The following FBXW7 variants were observed in gnomAD, a reference collection of about 807,000 sequenced individuals.
FBXW7 encodes F-box and WD repeat domain containing 7.
A neutral mutation model predicts 86.3 loss-of-function variants in FBXW7; 11 were observed. The ratio of observed to expected loss-of-function variants is 0.13; its 90% CI spans 0.08 to 0.21. FBXW7 has a LOEUF of 0.21. Ranked by LOEUF, FBXW7 falls within the 10% of genes least tolerant of loss-of-function variation. The probability of loss-of-function intolerance (pLI) is 1.00; values close to 1 mark genes in which losing one functional copy is unlikely to be tolerated. For missense variants in FBXW7, 488 were observed against 847.4 expected, an observed-to-expected ratio of 0.58 and a Z score of 5.27; for synonymous variants, 313 against 297.9, an observed-to-expected ratio of 1.05 and a Z score of -0.52.
chr4:152,479,390 G>C (rs1321291849), intron 2 of FBXW7, among the ~76,000 whole-genome samples: 1 of 152,046 alleles, frequency 6.6e-6, no homozygotes, highest in East Asian at 1.9e-4. Context: ...AGGGTTGAGA[G>C]AGCAATCCAA....
intron 4 of FBXW7, among the ~76,000 whole-genome samples, chr4:152,374,894 G>T (rs570408201): frequency 9.2e-5 from 14 of 152,048 alleles, no homozygotes; most frequent in Admixed American, 7.2e-4. Context: ...AGGAGGGGGG[G>T]GGATGATGCT....
intron 2 of FBXW7, among the ~76,000 whole-genome samples, chr4:152,499,205 A>C (rs533071433): frequency 6.6e-6 from 1 of 152,248 alleles, no homozygotes; most frequent in East Asian, 1.9e-4. Context: ...TGCTACCTCT[A>C]AACAGCTCAA....
intron 2 of FBXW7, among the ~76,000 whole-genome samples, chr4:152,485,496 C>A (rs1745258418): frequency 7.8e-6 from 1 of 127,718 alleles, no homozygotes; most frequent in African/African-American, 3.9e-5. Flanking sequence ...TATTGGTAAA[C>A]TGGATCTTCA....
At position 152,338,075 on chromosome 4, in the gene FBXW7, T is replaced by G. The variant is rs1000047645; in HGVS notation, c.727-139A>C. 9.3e-5 allele frequency: 56 copies of G among 604,648 alleles called. No homozygotes were observed. The East Asian group carries it at 1.8e-3, about 20-fold the overall frequency. 37.5% of individuals were successfully genotyped at this position (604,648 alleles called of 1,614,324 possible). On this transcript the variant is annotated intron_variant, in intron 6 of 13. Coordinates refer to ENST00000281708, the MANE Select transcript of FBXW7 (RefSeq NM_001349798.2). ...AAAAAGTGGCTCCTTATAGTGACATTTTTTCCACAAGGCATTGAAGAAGGC... is the reference window on the plus strand; with the variant it reads ...AAAAAGTGGCTCCTTATAGTGACATGTTTTCCACAAGGCATTGAAGAAGGC...
At chr4:152,361,631 CAT>C (rs1191911874) in intron 4 of FBXW7, among the ~76,000 whole-genome samples, 4 of 152,092 alleles carry the variant, frequency 2.6e-5, no homozygotes, top group Non-Finnish European at 2.9e-5. Flanking sequence ...TATTTTAGCA[CAT>C]GATTTAAAAA....
chr4:152,347,152 A>G lies in FBXW7; in HGVS notation c.585-81T>C, dbSNP rs910474903. On this transcript the variant is annotated intron_variant, in intron 5 of 13. Coordinates refer to ENST00000281708, the MANE Select transcript of FBXW7 (RefSeq NM_001349798.2). ...AAAGCAAAGATAGATACTTATTAATAATAGATTCTAGTACAAAGAATGATG... is the reference window on the plus strand; with the variant it reads ...AAAGCAAAGATAGATACTTATTAATGATAGATTCTAGTACAAAGAATGATG... 15 of 1,158,862 alleles carry G rather than the reference A, an allele frequency of 1.3e-5. 1 individual carries two copies. In the African/African-American group the frequency reaches 1.6e-4, roughly 12 times the overall value. 71.8% of individuals were successfully genotyped at this position (1,158,862 alleles called of 1,614,324 possible). A position where few individuals can be genotyped will look rare whatever the true frequency, so the allele number is the denominator to read the frequency against.
chr4:152,493,217 T>C (rs1746025540), intron 2 of FBXW7, among the ~76,000 whole-genome samples: 1 of 151,904 alleles, frequency 6.6e-6, no homozygotes, highest in South Asian at 2.1e-4. Flanking sequence ...CAGGCTGGAG[T>C]GCAGTGGCGC....
At chr4:152,437,121 G>C (rs936663602) in intron 2 of FBXW7, among the ~76,000 whole-genome samples, 11 of 152,128 alleles carry the variant, frequency 7.2e-5, no homozygotes, top group African/African-American at 2.7e-4. Context: ...CTTTTGAGAA[G>C]GATAACTGCA....
At chr4:152,390,155 G>A (rs1442010089) in intron 4 of FBXW7, among the ~76,000 whole-genome samples, 1 of 150,766 alleles carries the variant, frequency 6.6e-6, no homozygotes, top group Non-Finnish European at 1.5e-5. Flanking sequence ...CTAAACACTA[G>A]CATATAGAGT....
chr4:152,345,115 TC>T (rs1169185899), intron 6 of FBXW7, among the ~76,000 whole-genome samples: 1 of 152,138 alleles, frequency 6.6e-6, no homozygotes, highest in African/African-American at 2.4e-5. Flanking sequence ...ATGATAAAAA[TC>T]TTTAAATTAT....
chr4:152,339,878 A>T (rs927219785), intron 6 of FBXW7, among the ~76,000 whole-genome samples: 5 of 147,524 alleles, frequency 3.4e-5, no homozygotes, highest in Admixed American at 7.0e-5. Context: ...AGCTATGATC[A>T]TGCCACTGCA....
chr4:152,421,497 A>C (rs1261122857), intron 2 of FBXW7, among the ~76,000 whole-genome samples: 1 of 152,138 alleles, frequency 6.6e-6, no homozygotes, highest in African/African-American at 2.4e-5. Context: ...CAGGAGTTCA[A>C]GAACAGCCTG....
intron 4 of FBXW7, among the ~76,000 whole-genome samples, chr4:152,391,296 G>A (rs1161048056): frequency 6.6e-6 from 1 of 151,942 alleles, no homozygotes; most frequent in South Asian, 2.1e-4. Flanking sequence ...GATACCACTG[G>A]CCTTTTACGC....
At chr4:152,382,576 C>A in intron 4 of FBXW7, 1 of 855,888 alleles carries the variant, frequency 1.2e-6, no homozygotes, top group Non-Finnish European at 1.5e-6. Flanking sequence ...GAAGTGAAAG[C>A]TCCTGCTCCT....
At chr4:152,450,981 G>A (rs1243447497) in intron 2 of FBXW7, among the ~76,000 whole-genome samples, 1 of 152,130 alleles carries the variant, frequency 6.6e-6, no homozygotes, top group Non-Finnish European at 1.5e-5. Context: ...TAAGCAATAT[G>A]ACGTATTTTC....
At chr4:152,372,263 G>A (rs560761093) in intron 4 of FBXW7, among the ~76,000 whole-genome samples, 4 of 152,042 alleles carry the variant, frequency 2.6e-5, no homozygotes, top group African/African-American at 7.2e-5. Context: ...TTAAGATAAA[G>A]CTTAGACTAC....
chr4:152,394,892 G>A (rs1411391036), intron 4 of FBXW7, among the ~76,000 whole-genome samples: 2 of 151,906 alleles, frequency 1.3e-5, no homozygotes, highest in East Asian at 1.9e-4. Context: ...AAATCCCCCC[G>A]TAGTTTGACC....
chr4:152,447,665 T>G (rs987615875), intron 2 of FBXW7, among the ~76,000 whole-genome samples: 1 of 152,200 alleles, frequency 6.6e-6, no homozygotes, highest in Non-Finnish European at 1.5e-5. Flanking sequence ...GCTTTATATA[T>G]CCTCATCAGT....
At chr4:152,479,363 T>C (rs1465910817) in intron 2 of FBXW7, among the ~76,000 whole-genome samples, 3 of 152,218 alleles carry the variant, frequency 2.0e-5, no homozygotes, top group Middle Eastern at 3.4e-3. Flanking sequence ...CTCAAAGATA[T>C]CTATTTTTAA....
Sources: gnomAD v4.1 joint callset for allele counts (sites outside exome capture counted in the v4.1 genomes callset) on GRCh38, gnomAD v4.1.1 for gene constraint, MANE v1.5 for transcripts, NCBI Gene and HGNC (gene_info 2026-07-23, HGNC 2026-07-21) for gene names.